DNAJB2: variants seen among roughly 807,000 people sequenced by gnomAD.
The protein encoded by DNAJB2 is dnaJ homolog subfamily B member 2.
In DNAJB2, 19 loss-of-function variants were observed where a neutral mutation model predicts 33.3. The ratio of observed to expected loss-of-function variants is 0.57; its 90% confidence interval spans 0.40 to 0.84. DNAJB2 has a LOEUF of 0.84. Ranked by LOEUF, DNAJB2 falls within the 40% of genes least tolerant of loss-of-function variation. The pLI is 0.00. For missense variants in DNAJB2, 368 were observed against 430.9 expected (o/e 0.85, Z 1.29); for synonymous variants, 172 against 164.6 (o/e 1.04, Z -0.34).
chr2:219,282,790 G>C (rs370381261), intron 5 of DNAJB2, 47 bp from the exon 6 acceptor site: 2 of 1,501,748 alleles, frequency 1.3e-6, no homozygotes, highest in South Asian at 1.4e-5. Flanking sequence ...CACTTTTGAG[G>C]GGAAATGTCA....
chr2:219,285,228 C>A lies in DNAJB2; in HGVS notation c.*241C>A, dbSNP rs1055008570. ...GGGGTGTCAGGGCAGTGGAGGGGCC[C>A]GAGGAGCCAGGTTGCATTTATTGGA... On this transcript the variant is annotated 3_prime_UTR_variant, in exon 9 of 9. Transcript: ENST00000336576. The A allele has an allele frequency of 1.6e-6, 2 of 1,220,430 alleles. No homozygotes were observed. The highest frequency in any genetic ancestry group is 3.2e-4 in the Middle Eastern group (1 of 3,130). 75.6% of individuals were successfully genotyped at this position (1,220,430 alleles called of 1,614,324 possible).
At position 219,285,858 on chromosome 2, in the gene DNAJB2, G is replaced by A; in HGVS notation, c.*871G>A. ...CCTAGGAGGGGACTGCACCCATACT[G>A]CTTCCCTACCACAAATCAGGGCTCA... is the stretch of plus-strand genomic sequence containing the variant. On this transcript the variant is annotated 3_prime_UTR_variant, in exon 9 of 9. Coordinates refer to ENST00000336576, the MANE Select transcript of DNAJB2 (RefSeq NM_006736.6). 4 of 1,494,814 alleles carry A rather than the reference G, an allele frequency of 2.7e-6. No homozygotes were observed. Among genetic ancestry groups the A allele is most frequent in the Non-Finnish European group, 2.7e-6 (3 of 1,121,850 alleles). The allele number at this position is 1,494,814 out of a possible 1,614,324, so 92.6% of individuals were successfully genotyped here. A position where few individuals can be genotyped will look rare whatever the true frequency, so the allele number is the denominator to read the frequency against.
intron 7 of DNAJB2, 88 bp downstream of exon 7, chr2:219,283,323 C>T: frequency 1.2e-6 from 2 of 1,604,028 alleles, no homozygotes; most frequent in Non-Finnish European, 1.7e-6. Context: ...GAGGGCAGGG[C>T]CCAGTCTGCG....
chr2:219,284,548 G>C, intron 8 of DNAJB2, 84 bp from the exon 9 acceptor site: 1 of 1,487,362 alleles, frequency 6.7e-7, no homozygotes, highest in South Asian at 1.4e-5. Flanking sequence ...ACTCTAAGTG[G>C]TCAGGGTTGT....
rs911508987 is a variant in DNAJB2 at position 219,285,317 on chromosome 2, C to T, written c.*330C>T. ...CTTTTGTGCCCTGGTACTCTGCCACCTGTGTTGCTGATGGTGTCAAGGAAG... is the reference window on the plus strand; with the variant it reads ...CTTTTGTGCCCTGGTACTCTGCCACTTGTGTTGCTGATGGTGTCAAGGAAG... On this transcript the variant is annotated 3_prime_UTR_variant, in exon 9 of 9. Transcript: ENST00000336576. 10 of 1,055,578 alleles carry T rather than the reference C, an allele frequency of 9.5e-6. No individual in the cohort carries two copies. The highest frequency in any genetic ancestry group is 6.7e-5 in the African/African-American group (4 of 59,994). 65.4% of individuals were successfully genotyped at this position (1,055,578 alleles called of 1,614,324 possible).
intron 5 of DNAJB2, 27 bp downstream of exon 5, chr2:219,282,088 T>A: frequency 6.2e-7 from 1 of 1,613,978 alleles, no homozygotes; most frequent in Non-Finnish European, 8.5e-7. Context: ...AGCCTCTGAA[T>A]GGCTCAACTT....
intron 7 of DNAJB2, 23 bp downstream of exon 7, chr2:219,283,258 T>C: frequency 1.2e-6 from 2 of 1,613,776 alleles, no homozygotes; most frequent in South Asian, 1.1e-5. Flanking sequence ...TCTGGGGCCA[T>C]AGAGGGGTGA....
In DNAJB2 at chr2:219,285,903, G is replaced by C; in HGVS notation, c.*916G>C. ...GGCTCAGGGAGAGGCCATGCGGCCAGCCCAGGTCTGCATGCTGAGCCCCAT... is the reference window on the plus strand; with the variant it reads ...GGCTCAGGGAGAGGCCATGCGGCCACCCCAGGTCTGCATGCTGAGCCCCAT... On this transcript the variant is annotated 3_prime_UTR_variant, in exon 9 of 9. Transcript: ENST00000336576. 2.5e-6 allele frequency: 4 copies of C among 1,586,830 alleles called. No homozygotes were observed. Among genetic ancestry groups the C allele is most frequent in the Non-Finnish European group, 3.4e-6 (4 of 1,169,388 alleles).
chr2:219,284,050 A>C (rs1403712660), intron 8 of DNAJB2, among the ~76,000 whole-genome samples: 2 of 152,150 alleles, frequency 1.3e-5, no homozygotes, highest in African/African-American at 4.8e-5. Context: ...TGACATATTT[A>C]ATCATTGGAA....
At position 219,280,857 on chromosome 2, in the gene DNAJB2, T is replaced by C. The variant is rs534124395; in HGVS notation, c.175+170T>C. 6.5e-4 allele frequency: 391 copies of C among 603,842 alleles called. 1 individual carries two copies. Among genetic ancestry groups the C allele is most frequent in the South Asian group, 2.3e-3 (115 of 49,578 alleles). 37.4% of individuals were successfully genotyped at this position (603,842 alleles called of 1,614,324 possible). A position where few individuals can be genotyped will look rare whatever the true frequency, so the allele number is the denominator to read the frequency against. ...ACAGCTCAGTGTCTGCTCCCCAGAG[T>C]CTGGTAGGAGTGGCTGGCATGAGAC... On this transcript the variant is annotated intron_variant, in intron 3 of 8. Transcript: ENST00000336576.
Position 219,284,856 on chromosome 2 carries a change from C to A in DNAJB2, c.844C>A (p.Arg282=). Residue 282 remains arginine (R), a synonymous_variant, in exon 9 of 9, where the codon CGA becomes AGA. Coordinates refer to ENST00000336576, the MANE Select transcript of DNAJB2 (RefSeq NM_006736.6). ...CGCAGGTGGGCGGGAGGCACAGCAC[C>A]GACGGCAGGGGCGGCCCAAGGCCCA... ...KPAGGREAQH[R]RQGRPKAQHQ... 1 of 1,610,304 alleles carries A rather than the reference C, an allele frequency of 6.2e-7. No individual in the cohort carries two copies.
Position 219,286,169 on chromosome 2 carries a change from C to A in DNAJB2, c.*1182C>A. ...GGTGGCAGTAGTCTTAGCCTGTGCA[C>A]TCTCTTCCTTGGGTGTTTGGTGCTG... On this transcript the variant is annotated 3_prime_UTR_variant, in exon 9 of 9. Coordinates refer to ENST00000336576, the MANE Select transcript of DNAJB2 (RefSeq NM_006736.6). 1 of 753,222 alleles carries A rather than the reference C, an allele frequency of 1.3e-6. No homozygotes were observed. The highest frequency in any genetic ancestry group is 1.9e-5 in the South Asian group (1 of 53,894). 46.7% of individuals were successfully genotyped at this position (753,222 alleles called of 1,614,324 possible).
In DNAJB2 at chr2:219,279,967, G is replaced by A. The variant is rs751321002; in HGVS notation, c.65+69G>A. On this transcript the variant is annotated intron_variant, in intron 2 of 8. Coordinates refer to ENST00000336576, the MANE Select transcript of DNAJB2 (RefSeq NM_006736.6). This position sits in a 1 kb window ranked among gnomAD's most constrained non-coding sequence, Gnocchi z 4.9. ...CGCCACCACCATGGGGCACTTCAGA[G>A]TGACACCTGTAGGTGTCTGAGGGAA... 12 of 1,574,384 alleles carry A rather than the reference G, an allele frequency of 7.6e-6. No homozygotes were observed. The highest frequency in any genetic ancestry group is 1.3e-5 in the African/African-American group (1 of 74,266).
rs778291801 is a variant in DNAJB2, at chr2:219,281,724, A to G, written c.182A>G (p.Lys61Arg). 6.8e-6 allele frequency: 11 copies of G among 1,613,892 alleles called. No homozygotes were observed. In the African/African-American group the frequency reaches 1.1e-4, roughly 16 times the overall value. Residue 61 changes from lysine to arginine, a missense_variant, in exon 4 of 9, where the codon AAG becomes AGG. Lys to Arg is a conservative substitution (Grantham distance 26). Transcript: ENST00000336576. ...ATCTGGTCTCTTTTTGCAGAGCACA[A>G]GCGGGAGATTTACGACCGCTATGGC... ...EAYEVLSDKH[K>R]REIYDRYGRE... is the part of the protein sequence containing the mutation.
intron 3 of DNAJB2, 53 bp downstream of exon 3, chr2:219,280,740 C>G: frequency 7.5e-7 from 1 of 1,334,184 alleles, no homozygotes; most frequent in Non-Finnish European, 1.1e-6. Context: ...CTTCATGCCC[C>G]AGCTCACATT....
rs1574902685 is a variant in DNAJB2 at position 219,285,343 on chromosome 2, G to A, written c.*356G>A. 1.9e-6 allele frequency: 2 copies of A among 1,033,040 alleles called. No individual in the cohort carries two copies. The highest frequency in any genetic ancestry group is 8.4e-5 in the East Asian group (1 of 11,878). The allele number at this position is 1,033,040 out of a possible 1,614,324, so 64.0% of individuals were successfully genotyped here. A position where few individuals can be genotyped will look rare whatever the true frequency, so the allele number is the denominator to read the frequency against. Reference sequence around the variant, plus strand: ...TGTGTTGCTGATGGTGTCAAGGAAGGAGGACTTGGCCTAGGGTTGTCTGAG... The same window carrying A: ...TGTGTTGCTGATGGTGTCAAGGAAGAAGGACTTGGCCTAGGGTTGTCTGAG... On this transcript the variant is annotated 3_prime_UTR_variant, in exon 9 of 9. Coordinates refer to ENST00000336576, the MANE Select transcript of DNAJB2 (RefSeq NM_006736.6).
chr2:219,281,741 C>T lies in DNAJB2; in HGVS notation c.199C>T (p.Arg67Cys), dbSNP rs140172586. 3.9e-5 allele frequency: 63 copies of T among 1,613,956 alleles called. No individual in the cohort carries two copies. The East Asian group carries it at 4.0e-4, about 10-fold the overall frequency. ...AGAGCACAAGCGGGAGATTTACGAC[C>T]GCTATGGCCGGGAAGGGCTGACAGG... ...SDKHKREIYDRYGREGLTGTG... is the reference protein window; with the variant it reads ...SDKHKREIYDCYGREGLTGTG... The change falls in exon 4 of 9, where the codon CGC becomes TGC. Residue 67 changes from arginine (R) to cysteine (C), a missense_variant. By Grantham distance (180) the Arg-to-Cys change is radical. Coordinates refer to ENST00000336576, the MANE Select transcript of DNAJB2 (RefSeq NM_006736.6).
chr2:219,279,946 A>G lies in DNAJB2; in HGVS notation c.65+48A>G. On this transcript the variant is annotated intron_variant, in intron 2 of 8. Coordinates refer to ENST00000336576, the MANE Select transcript of DNAJB2 (RefSeq NM_006736.6). The surrounding 1 kb of genome is among the most constrained non-coding windows in gnomAD (Gnocchi z 4.9). Reference sequence around the variant, plus strand: ...GAAGACCTCTCACCCTCCACCCGCCACCACCATGGGGCACTTCAGAGTGAC... The same window carrying G: ...GAAGACCTCTCACCCTCCACCCGCCGCCACCATGGGGCACTTCAGAGTGAC... The G allele has an allele frequency of 6.2e-7, 1 of 1,605,524 alleles. No homozygotes were observed. The highest frequency in any genetic ancestry group is 8.5e-7 in the Non-Finnish European group (1 of 1,173,794).
rs908503814 is a variant in DNAJB2 at position 219,286,290 on chromosome 2, C to A, written c.*1303C>A. 18 of 408,282 alleles carry A rather than the reference C, an allele frequency of 4.4e-5. No individual in the cohort carries two copies. The highest frequency in any genetic ancestry group is 7.2e-5 in the Non-Finnish European group (16 of 222,674). 25.3% of individuals were successfully genotyped at this position (408,282 alleles called of 1,614,324 possible). On this transcript the variant is annotated 3_prime_UTR_variant, in exon 9 of 9. Transcript: ENST00000336576. ...GGTGGTGTATGGTTACGGAGCTGTG[C>A]ATCTTGGGACATGTAGTAGCCCAGG...
Sources: gnomAD v4.1 joint callset for allele counts (sites outside exome capture counted in the v4.1 genomes callset) on GRCh38, gnomAD v4.1.1 for gene constraint, Gnocchi (gnomAD v3.1) non-coding constraint, MANE v1.5 for transcripts, NCBI Gene and HGNC (gene_info 2026-07-23, HGNC 2026-07-21) for gene names.